The following BTF3L4 variants were observed in gnomAD, a reference collection of about 807,000 sequenced individuals.
The protein encoded by BTF3L4 is transcription factor BTF3 homolog 4.
Under a neutral mutation model 16.8 loss-of-function variants are expected in BTF3L4, and 6 were observed. That is an observed-to-expected ratio of 0.36 (90% confidence interval 0.20 to 0.71). The LOEUF (loss-of-function observed/expected upper bound fraction) is 0.71. Among genes scored for constraint, BTF3L4 ranks in the 30% least tolerant of loss-of-function variants. The pLI, the probability that BTF3L4 is intolerant of heterozygous loss-of-function variation, is 0.58. For missense variants in BTF3L4, 92 were observed against 186.9 expected (o/e 0.49, Z 2.96); for synonymous variants, 39 against 59.8 (o/e 0.65, Z 1.60).
At chr1:52,080,131 C>G (rs1349984980) in intron 3 of BTF3L4, among the ~76,000 whole-genome samples, 2 of 152,022 alleles carry the variant, frequency 1.3e-5, no homozygotes, top group Non-Finnish European at 2.9e-5. Context: ...CTCAGCCTCC[C>G]AAAGTGCTGG....
In BTF3L4 at chr1:52,057,223, A is replaced by T. The variant is rs1211567084; in HGVS notation, c.-14+844A>T. ...TCTTAGAGAAACCCTACATAATAAA[A>T]AGTCAGGACTCAAGGTTGCAATTAT... On this transcript the variant is annotated intron_variant, in intron 1 of 5. Transcript: ENST00000313334. Among the ~76,000 whole-genome samples, 3 of 152,234 alleles carry T rather than the reference A, an allele frequency of 2.0e-5. No individual in the cohort carries two copies. In the East Asian group the frequency reaches 5.8e-4, roughly 29 times the overall value.
At chr1:52,080,167 AATTG>A (rs1643905407) in intron 3 of BTF3L4, among the ~76,000 whole-genome samples, 1 of 151,928 alleles carries the variant, frequency 6.6e-6, no homozygotes, top group Non-Finnish European at 1.5e-5. Flanking sequence ...CACCCAGCTG[AATTG>A]AATTTTTGTA....
chr1:52,073,859 G>A (rs543272795), intron 3 of BTF3L4, among the ~76,000 whole-genome samples: 5 of 151,934 alleles, frequency 3.3e-5, no homozygotes, highest in East Asian at 1.9e-4. Context: ...TTAGCCGGGC[G>A]TGGTGGTGGG....
chr1:52,086,263 G>A lies in BTF3L4; in HGVS notation c.430+92G>A, dbSNP rs1291843901. 7 of 923,222 alleles carry A rather than the reference G, an allele frequency of 7.6e-6. No individual in the cohort carries two copies. The East Asian group carries it at 1.6e-4, about 21-fold the overall frequency. 57.2% of individuals were successfully genotyped at this position (923,222 alleles called of 1,614,324 possible). On this transcript the variant is annotated intron_variant, in intron 5 of 5. Transcript: ENST00000313334. ...GATAACTTTTAGGTTTGTGTTGATT[G>A]TAAGCTCATGAATTTAAATTGATTC...
intron 3 of BTF3L4, among the ~76,000 whole-genome samples, chr1:52,067,171 G>T (rs1162482162): frequency 1.3e-5 from 2 of 152,080 alleles, no homozygotes. Context: ...AGGAGGCAGA[G>T]GTTTGCAGTG....
At chr1:52,060,780 C>G in intron 2 of BTF3L4, 1 of 232,790 alleles carries the variant, frequency 4.3e-6, no homozygotes, top group Middle Eastern at 1.5e-3. Context: ...CTTTCTCCTT[C>G]TCCCACAGTG....
Position 52,089,850 on chromosome 1 carries a change from C to T in BTF3L4, c.*3092C>T, listed in dbSNP as rs889680315. On this transcript the variant is annotated 3_prime_UTR_variant, in exon 6 of 6. Coordinates refer to ENST00000313334, the MANE Select transcript of BTF3L4 (RefSeq NM_152265.5). ...AGCACCTTAATTTGTTGTTAAGTAG[C>T]TAGTGCTTACAGGATTCCATTAAAT... is the stretch of plus-strand genomic sequence containing the variant. The T allele has an allele frequency of 5.9e-5, 9 of 152,134 alleles. No individual in the cohort carries two copies. The highest frequency in any genetic ancestry group is 2.2e-4 in the African/African-American group (9 of 41,422). The allele number at this position is 152,134 out of a possible 1,614,324, so 9.4% of individuals were successfully genotyped here. A position where few individuals can be genotyped will look rare whatever the true frequency, so the allele number is the denominator to read the frequency against.
chr1:52,061,635 CTTTTTT>C (rs67186641), intron 2 of BTF3L4, among the ~76,000 whole-genome samples: 1 of 65,014 alleles, frequency 1.5e-5, no homozygotes, highest in Non-Finnish European at 2.9e-5. Flanking sequence ...TACAGCTATT[CTTTTTT>C]TTTTTTTTTT....
chr1:52,076,090 T>C (rs1262481231), intron 3 of BTF3L4, among the ~76,000 whole-genome samples: 1 of 152,190 alleles, frequency 6.6e-6, no homozygotes, highest in Non-Finnish European at 1.5e-5. Flanking sequence ...GCAGCATATA[T>C]AAAGAGAATT....
chr1:52,058,523 C>T (rs1161020182), intron 1 of BTF3L4, among the ~76,000 whole-genome samples: 1 of 151,982 alleles, frequency 6.6e-6, no homozygotes, highest in Non-Finnish European at 1.5e-5. Flanking sequence ...TTGATAACAA[C>T]CTAGTCCCTT....
intron 2 of BTF3L4, chr1:52,060,758 G>A: frequency 2.9e-6 from 1 of 348,924 alleles, no homozygotes; most frequent in Non-Finnish European, 4.1e-6. Context: ...GGGAAGGGAA[G>A]AAGAGCCAGT....
At chr1:52,079,950 C>T (rs7556459) in intron 3 of BTF3L4, among the ~76,000 whole-genome samples, 2 of 149,364 alleles carry the variant, frequency 1.3e-5, no homozygotes, top group East Asian at 3.9e-4. Flanking sequence ...GAGCTCACTG[C>T]AACCTCTTCC....
At position 52,060,669 on chromosome 1, in the gene BTF3L4, A is replaced by T. The variant is rs143886981; in HGVS notation, c.54+768A>T. 7.1e-4 allele frequency: 739 copies of T among 1,037,700 alleles called. 6 individuals are homozygous for T. In the African/African-American group the frequency reaches 0.011, roughly 16 times the overall value. 64.3% of individuals were successfully genotyped at this position (1,037,700 alleles called of 1,614,324 possible). ...CCTCAGACCTGAAGTGGTAGGTAGG[A>T]CACTACTTTTTGTAGTGGGTCCCAC... On this transcript the variant is annotated intron_variant, in intron 2 of 5. Transcript: ENST00000313334.
intron 3 of BTF3L4, among the ~76,000 whole-genome samples, chr1:52,066,170 A>T (rs1686642801): frequency 6.6e-6 from 1 of 152,090 alleles, no homozygotes; most frequent in Admixed American, 6.6e-5. Flanking sequence ...TACCACCTAG[A>T]TGCACCTCTG....
At chr1:52,061,100 G>A (rs116302247) in intron 2 of BTF3L4, among the ~76,000 whole-genome samples, 4 of 152,274 alleles carry the variant, frequency 2.6e-5, no homozygotes, top group African/African-American at 7.2e-5. Context: ...GTGTTATAAT[G>A]AAGTACAAGG....
At chr1:52,074,597 G>A (rs569158395) in intron 3 of BTF3L4, among the ~76,000 whole-genome samples, 1 of 151,962 alleles carries the variant, frequency 6.6e-6, no homozygotes, top group East Asian at 1.9e-4. Context: ...CCTGACCTCA[G>A]GTGATCCACC....
At chr1:52,057,862 A>G (rs756342476) in intron 1 of BTF3L4, among the ~76,000 whole-genome samples, 1 of 152,242 alleles carries the variant, frequency 6.6e-6, no homozygotes, top group Non-Finnish European at 1.5e-5. Flanking sequence ...TCTTTCATCT[A>G]TACCTTGATT....
At chr1:52,060,748 G>A (rs1686487856) in intron 2 of BTF3L4, 1 of 439,240 alleles carries the variant, frequency 2.3e-6, no homozygotes, top group Non-Finnish European at 3.1e-6. Context: ...CACAAGGGAA[G>A]GGAAGGGAAG....
intron 3 of BTF3L4, 56 bp from the exon 4 acceptor site, chr1:52,083,284 A>G (rs1432978674): frequency 6.9e-7 from 1 of 1,442,676 alleles, no homozygotes; most frequent in African/African-American, 1.4e-5. Context: ...TTTTAAAAAT[A>G]TATTGTTTTA....
Sources: gnomAD v4.1 joint callset for allele counts (sites outside exome capture counted in the v4.1 genomes callset) on GRCh38, gnomAD v4.1.1 for gene constraint, MANE v1.5 for transcripts, NCBI Gene and HGNC (gene_info 2026-07-23, HGNC 2026-07-21) for gene names.